The following KALRN variants were observed in gnomAD, a reference collection of about 807,000 sequenced individuals.
KALRN encodes the protein kalirin.
In KALRN, 70 loss-of-function variants were observed where a neutral mutation model predicts 353.7. The observed-to-expected ratio is 0.20, with a 90% CI of 0.16 to 0.24. The LOEUF is 0.24. KALRN is among the 10% of genes least tolerant of loss of function. KALRN has a pLI of 1.00. For synonymous variants in KALRN, 1,391 were observed against 1,434.8 expected, an observed-to-expected ratio of 0.97 and a Z score of 0.69; for missense variants, 2,791 against 3,756.7, an observed-to-expected ratio of 0.74 and a Z score of 6.72.
chr3:124,490,768 C>A lies in KALRN; in HGVS notation c.4471C>A (p.Leu1491Met). ...CTTTCAAGTGTGGGACCCGAAGTCG[C>A]TGATCCGGAAGGGGCGGGAGCGGCA... Reference protein sequence around the residue: ...DAFQVWDPKSLIRKGRERHLF... With the variant: ...DAFQVWDPKSMIRKGRERHLF... Residue 1491 changes from leucine (L) to methionine (M), a missense_variant, in exon 30 of 60, where the codon CTG becomes ATG. Around this residue, in one of 11 missense-constraint regions of KALRN, gnomAD observed 239 missense variants for 351.3 expected, o/e 0.68. Coordinates refer to ENST00000682506, the MANE Select transcript of KALRN (RefSeq NM_001388419.1). 6.2e-7 allele frequency: 1 copy of A among 1,613,908 alleles called. No individual in the cohort carries two copies.
chr3:124,281,618 C>G (rs1206619791), intron 5 of KALRN, among the ~76,000 whole-genome samples: 2 of 152,234 alleles, frequency 1.3e-5, no homozygotes, highest in African/African-American at 4.8e-5. Context: ...AGATGCTACT[C>G]TCTCTGTTCT....
chr3:124,161,039 C>A (rs1254354862), intron 1 of KALRN, among the ~76,000 whole-genome samples: 1 of 152,226 alleles, frequency 6.6e-6, no homozygotes, highest in East Asian at 1.9e-4. Context: ...CTAGAGATGG[C>A]TGGTGGTGAT....
rs550218302 is a variant in KALRN at position 124,182,327 on chromosome 3, C to T, written c.74-45663C>T. On this transcript the variant is annotated intron_variant, in intron 1 of 59. Transcript: ENST00000682506. ...TCTTAGGAGGCTGCAATCAAGATATCGTCCAGGGTTGGAGTCTTATGTGAA... is the reference window on the plus strand; with the variant it reads ...TCTTAGGAGGCTGCAATCAAGATATTGTCCAGGGTTGGAGTCTTATGTGAA... 4.6e-5 allele frequency among the ~76,000 whole-genome samples: 7 copies of T among 152,302 alleles called. No individual in the cohort carries two copies. The South Asian group carries it at 1.2e-3, about 27-fold the overall frequency.
chr3:124,182,533 T>C (rs894972385), intron 1 of KALRN, among the ~76,000 whole-genome samples: 2 of 152,200 alleles, frequency 1.3e-5, no homozygotes, highest in Non-Finnish European at 1.5e-5. Flanking sequence ...TCTGGCAAGA[T>C]GGAAGCCACA....
intron 33 of KALRN, among the ~76,000 whole-genome samples, chr3:124,538,222 A>G (rs1280645878): frequency 6.6e-6 from 1 of 151,866 alleles, no homozygotes. Flanking sequence ...AAAGAAGGTG[A>G]TATTGAAGAG....
At chr3:124,203,611 G>A (rs980580185) in intron 1 of KALRN, among the ~76,000 whole-genome samples, 1 of 152,138 alleles carries the variant, frequency 6.6e-6, no homozygotes. Flanking sequence ...TCCCAAAGCC[G>A]AGTGATAAAG....
chr3:124,304,437 G>A (rs1238888116), intron 6 of KALRN, among the ~76,000 whole-genome samples: 4 of 152,136 alleles, frequency 2.6e-5, no homozygotes, highest in East Asian at 1.9e-4. Context: ...CTATATGCAC[G>A]TTAAATCAGA....
At chr3:124,154,038 G>C (rs1280565934) in intron 1 of KALRN, among the ~76,000 whole-genome samples, 4 of 152,162 alleles carry the variant, frequency 2.6e-5, no homozygotes, top group African/African-American at 9.7e-5. Flanking sequence ...AGATGAGTAG[G>C]TTGCAAAAAT....
At chr3:124,527,847 A>G (rs2067723556) in intron 33 of KALRN, among the ~76,000 whole-genome samples, 1 of 152,158 alleles carries the variant, frequency 6.6e-6, no homozygotes, top group African/African-American at 2.4e-5. Flanking sequence ...CCTAGATTCC[A>G]TTCAAAGTGA....
intron 59 of KALRN, 116 bp from the exon 60 acceptor site, chr3:124,718,809 C>A: frequency 1.0e-6 from 1 of 968,540 alleles, no homozygotes. Context: ...TTCTGTACAC[C>A]ATAGGCTTTA....
intron 1 of KALRN, among the ~76,000 whole-genome samples, chr3:124,156,693 T>G (rs1158730108): frequency 6.6e-6 from 1 of 152,220 alleles, no homozygotes; most frequent in Non-Finnish European, 1.5e-5. Flanking sequence ...AGTGCACTTG[T>G]CAAGAGAGAA....
intron 34 of KALRN, among the ~76,000 whole-genome samples, chr3:124,598,304 A>G (rs16835637): frequency 0.15 from 23,549 of 152,206 alleles, 1,953 homozygotes; most frequent in Middle Eastern, 0.19. Context: ...GAATCTCCAA[A>G]GAAGGTCGGA....
intron 34 of KALRN, among the ~76,000 whole-genome samples, chr3:124,587,315 A>G (rs2075299893): frequency 6.6e-6 from 1 of 152,238 alleles, no homozygotes; most frequent in Admixed American, 6.5e-5. Flanking sequence ...CTTGACTCTG[A>G]AGCAATGACT....
chr3:124,324,134 C>T (rs1390744614), intron 6 of KALRN, among the ~76,000 whole-genome samples: 1 of 151,982 alleles, frequency 6.6e-6, no homozygotes, highest in African/African-American at 2.4e-5. Flanking sequence ...AGGGATTGAA[C>T]CCCAGTTGCT....
intron 5 of KALRN, among the ~76,000 whole-genome samples, chr3:124,281,392 A>C (rs188637484): frequency 1.1e-3 from 163 of 152,286 alleles, no homozygotes; most frequent in African/African-American, 3.8e-3. Context: ...TGACCTTGTC[A>C]TGAGGTGGCA....
rs141344640 is a variant in KALRN at position 124,149,674 on chromosome 3, A to G, written c.74-78316A>G. 2.0e-5 allele frequency among the ~76,000 whole-genome samples: 3 copies of G among 152,332 alleles called. No individual in the cohort carries two copies. The East Asian group carries it at 5.8e-4, about 29-fold the overall frequency. On this transcript the variant is annotated intron_variant, in intron 1 of 59. Transcript: ENST00000682506. Reference sequence around the variant, plus strand: ...CTGAGTCTCAGTTCTTTCACCAATGAAAAGGGGATAATACTAACCTTCTCT... The same window carrying G: ...CTGAGTCTCAGTTCTTTCACCAATGGAAAGGGGATAATACTAACCTTCTCT...
At chr3:124,081,744 G>T (rs1036431296) in intron 1 of KALRN, among the ~76,000 whole-genome samples, 1 of 152,110 alleles carries the variant, frequency 6.6e-6, no homozygotes, top group Non-Finnish European at 1.5e-5. Flanking sequence ...GTGACAGAAT[G>T]AGGCCCTGTC....
intron 15 of KALRN, among the ~76,000 whole-genome samples, chr3:124,427,373 G>A (rs9823847): frequency 3.3e-4 from 50 of 152,290 alleles, no homozygotes; most frequent in Non-Finnish European, 5.4e-4. Context: ...TGTGGCTAGC[G>A]TTTCAGAAAC....
chr3:124,174,112 T>A (rs1354966540), intron 1 of KALRN, among the ~76,000 whole-genome samples: 1 of 152,176 alleles, frequency 6.6e-6, no homozygotes, highest in East Asian at 1.9e-4. Context: ...ATGGGCTTTC[T>A]GCAGCAGAGA....
Sources: gnomAD v4.1 joint callset for allele counts (sites outside exome capture counted in the v4.1 genomes callset) on GRCh38, gnomAD v4.1.1 for gene constraint, gnomAD v4.1.1 regional missense constraint, MANE v1.5 for transcripts, NCBI Gene and HGNC (gene_info 2026-07-23, HGNC 2026-07-21) for gene names.